Variants in UNC5C observed in about 807,000 individuals in gnomAD.
UNC5C encodes unc-5 netrin receptor C, also known as netrin receptor UNC5C.
In UNC5C, 47 loss-of-function variants were observed where a neutral mutation model predicts 99.8. The ratio of observed to expected loss-of-function variants is 0.47; its 90% CI spans 0.37 to 0.60. UNC5C has a LOEUF of 0.60. Ranked by LOEUF, UNC5C falls within the 20% of genes least tolerant of loss-of-function variation. UNC5C has a pLI of 0.00. For synonymous variants in UNC5C, 487 were observed against 452.2 expected (o/e 1.08, Z -0.98); for missense variants, 1,062 against 1,165.9 (o/e 0.91, Z 1.30).
intron 7 of UNC5C, chr4:95,222,096 T>C: frequency 1.5e-6 from 1 of 649,868 alleles, no homozygotes; most frequent in Non-Finnish European, 2.3e-6. Context: ...TTAGAATATA[T>C]TAGGCTCCTA....
At chr4:95,463,011 T>A (rs568180409) in intron 1 of UNC5C, among the ~76,000 whole-genome samples, 23 of 152,312 alleles carry the variant, frequency 1.5e-4, no homozygotes, top group Admixed American at 8.5e-4. Context: ...ATATCTCAAA[T>A]GACCATTTGA....
At chr4:95,179,079 T>G (rs1736492994) in intron 14 of UNC5C, among the ~76,000 whole-genome samples, 1 of 152,232 alleles carries the variant, frequency 6.6e-6, no homozygotes, top group Non-Finnish European at 1.5e-5. Context: ...ACCATTGGTC[T>G]TTGATGTTAT....
At chr4:95,170,064 A>C in intron 15 of UNC5C, 90 bp downstream of exon 15, 3 of 1,502,514 alleles carry the variant, frequency 2.0e-6, no homozygotes, top group Non-Finnish European at 1.8e-6. Context: ...TGGATGGAAA[A>C]AAAAATGAAG....
At chr4:95,376,553 T>C (rs1175033788) in intron 1 of UNC5C, among the ~76,000 whole-genome samples, 2 of 152,146 alleles carry the variant, frequency 1.3e-5, no homozygotes, top group Admixed American at 6.6e-5. Context: ...AATAACTCTT[T>C]CCAAGTTATA....
chr4:95,301,199 T>TTC (rs1553961865), intron 3 of UNC5C, among the ~76,000 whole-genome samples: 1 of 146,928 alleles, frequency 6.8e-6, no homozygotes, highest in Non-Finnish European at 1.5e-5. Context: ...TCCAGGATTT[T>TTC]TTTTTTTTTT....
chr4:95,180,718 G>A (rs946593632), intron 14 of UNC5C, among the ~76,000 whole-genome samples: 21 of 152,268 alleles, frequency 1.4e-4, no homozygotes, highest in African/African-American at 5.1e-4. Context: ...CGACTGGTGA[G>A]TGCGTCCGGT....
intron 1 of UNC5C, among the ~76,000 whole-genome samples, chr4:95,445,024 C>A (rs1275656631): frequency 6.6e-6 from 1 of 151,926 alleles, no homozygotes; most frequent in African/African-American, 2.4e-5. Flanking sequence ...GTCTTGAGTG[C>A]GTCATTTCAG....
At chr4:95,374,441 G>A (rs1005369637) in intron 1 of UNC5C, among the ~76,000 whole-genome samples, 2 of 151,994 alleles carry the variant, frequency 1.3e-5, no homozygotes, top group African/African-American at 4.8e-5. Flanking sequence ...TGCCTCTATG[G>A]CCATCCTGGT....
chr4:95,535,068 T>A (rs1722740301), intron 1 of UNC5C, among the ~76,000 whole-genome samples: 2 of 152,148 alleles, frequency 1.3e-5, no homozygotes, highest in Non-Finnish European at 2.9e-5. Context: ...ACAAACTTAT[T>A]TTTTTCATTA....
chr4:95,487,153 A>T (rs1286147678), intron 1 of UNC5C, among the ~76,000 whole-genome samples: 1 of 151,764 alleles, frequency 6.6e-6, no homozygotes, highest in Non-Finnish European at 1.5e-5. Flanking sequence ...GTATTCTGTT[A>T]TAGCAGCAGA....
At chr4:95,536,506 T>G (rs1722786505) in intron 1 of UNC5C, among the ~76,000 whole-genome samples, 1 of 152,174 alleles carries the variant, frequency 6.6e-6, no homozygotes. Flanking sequence ...AAATCTAATG[T>G]AATAATTGTC....
intron 1 of UNC5C, among the ~76,000 whole-genome samples, chr4:95,471,258 G>A (rs1178127966): frequency 6.6e-6 from 1 of 151,956 alleles, no homozygotes; most frequent in Admixed American, 6.6e-5. Flanking sequence ...AATATATTAC[G>A]CTAAAAGCAT....
intron 1 of UNC5C, among the ~76,000 whole-genome samples, chr4:95,480,990 T>C (rs1234494307): frequency 6.6e-6 from 1 of 150,406 alleles, no homozygotes; most frequent in African/African-American, 2.5e-5. Flanking sequence ...TTCAACATAG[T>C]GTTGGAAGTT....
intron 2 of UNC5C, among the ~76,000 whole-genome samples, chr4:95,328,260 C>A (rs1742978194): frequency 1.2e-5 from 1 of 85,788 alleles, no homozygotes; most frequent in Non-Finnish European, 2.6e-5. Context: ...ATTCCCCTTC[C>A]TGTGTCCATG....
intron 14 of UNC5C, among the ~76,000 whole-genome samples, chr4:95,182,362 TAGAG>T (rs148656671): frequency 2.7e-4 from 41 of 152,240 alleles, no homozygotes; most frequent in African/African-American, 9.1e-4. Flanking sequence ...TAGAGAATGA[TAGAG>T]AGAAAGGAGA....
chr4:95,399,496 A>G (rs1379342144), intron 1 of UNC5C, among the ~76,000 whole-genome samples: 1 of 152,200 alleles, frequency 6.6e-6, no homozygotes, highest in Non-Finnish European at 1.5e-5. Context: ...GTTAGGATAA[A>G]TGTAAAATCC....
intron 1 of UNC5C, among the ~76,000 whole-genome samples, chr4:95,381,498 A>G (rs1745070880): frequency 6.6e-6 from 1 of 152,150 alleles, no homozygotes; most frequent in Admixed American, 6.6e-5. Context: ...TATTACCAGA[A>G]AGAAGAACTA....
intron 12 of UNC5C, 147 bp from the exon 13 acceptor site, chr4:95,185,343 AC>A: frequency 1.1e-6 from 1 of 910,396 alleles, no homozygotes; most frequent in Non-Finnish European, 1.7e-6. Context: ...CAGCCTCGAG[AC>A]CCTCTAACTA....
At chr4:95,337,749 A>T (rs1743404587) in intron 1 of UNC5C, among the ~76,000 whole-genome samples, 1 of 151,990 alleles carries the variant, frequency 6.6e-6, no homozygotes, top group South Asian at 2.1e-4. Flanking sequence ...ATTTTTCAAG[A>T]TGTTTGTTAA....
Sources: allele counts gnomAD v4.1 joint callset (sites outside exome capture counted in the v4.1 genomes callset), GRCh38; gene constraint gnomAD v4.1.1; transcripts MANE v1.5; gene names NCBI Gene and HGNC (gene_info 2026-07-23, HGNC 2026-07-21).